Variants in PTPRD observed in about 807,000 individuals in gnomAD.
PTPRD encodes protein tyrosine phosphatase receptor type D, also known as receptor-type tyrosine-protein phosphatase delta.
In PTPRD, 34 loss-of-function variants were observed where a neutral mutation model predicts 214.5. The ratio of observed to expected loss-of-function variants is 0.16; its 90% CI spans 0.12 to 0.21. The LOEUF is 0.21. Ranked by LOEUF, PTPRD falls within the 10% of genes least tolerant of loss-of-function variation. The probability of loss-of-function intolerance (pLI) is 1.00; values close to 1 mark genes in which losing one functional copy is unlikely to be tolerated. For missense variants in PTPRD, 2,545 were observed against 2,398.7 expected (o/e 1.06, Z -1.27); for synonymous variants, 1,128 against 845.7 (o/e 1.33, Z -5.79).
intron 5 of PTPRD, among the ~76,000 whole-genome samples, chr9:9,893,262 A>G (rs2073976864): frequency 6.6e-6 from 1 of 152,070 alleles, no homozygotes; most frequent in Admixed American, 6.6e-5. Flanking sequence ...ACAAGATCAA[A>G]TCTACACATA....
intron 8 of PTPRD, among the ~76,000 whole-genome samples, chr9:9,429,358 T>C (rs1175071454): frequency 2.0e-5 from 3 of 152,186 alleles, no homozygotes; most frequent in East Asian, 3.9e-4. Flanking sequence ...CAGGAAAAAG[T>C]TGAATTCCTG....
At chr9:9,574,084 A>G (rs930816329) in intron 8 of PTPRD, among the ~76,000 whole-genome samples, 3 of 151,902 alleles carry the variant, frequency 2.0e-5, no homozygotes, top group Admixed American at 6.6e-5. Context: ...AAGTTGGCTT[A>G]GTGAAAATTA....
chr9:9,162,898 A>T (rs900184553), intron 10 of PTPRD, among the ~76,000 whole-genome samples: 1 of 151,818 alleles, frequency 6.6e-6, no homozygotes, highest in South Asian at 2.1e-4. Context: ...AAATGTAGAC[A>T]CTCTTTAGCT....
intron 35 of PTPRD, among the ~76,000 whole-genome samples, chr9:8,428,345 A>G (rs374284731): frequency 2.6e-5 from 4 of 152,212 alleles, no homozygotes; most frequent in East Asian, 3.9e-4. Context: ...TTAGCCATTC[A>G]TCTTCCTCAA....
At chr9:10,341,852 T>C (rs564504576) in intron 2 of PTPRD, among the ~76,000 whole-genome samples, 3 of 151,164 alleles carry the variant, frequency 2.0e-5, no homozygotes, top group Non-Finnish European at 4.4e-5. Flanking sequence ...CCCTCTCCTT[T>C]TATGTAGTTC....
intron 14 of PTPRD, among the ~76,000 whole-genome samples, chr9:8,601,274 G>A (rs2094843235): frequency 6.6e-6 from 1 of 152,134 alleles, no homozygotes; most frequent in Non-Finnish European, 1.5e-5. Flanking sequence ...CCAGTCCCTG[G>A]CTCCCAGATG....
In PTPRD at chr9:10,531,142, G is replaced by T. The variant is rs550583401; in HGVS notation, c.-600+81256C>A. On this transcript the variant is annotated intron_variant, in intron 2 of 45. Coordinates refer to ENST00000381196, the MANE Select transcript of PTPRD (RefSeq NM_002839.4). The stretch of plus-strand genomic sequence containing the variant: ...TTTTTGTATTTTTAGTAGAGACGGG[G>T]TTTCACCATGTTGGTCAGGCTGGTC... Among the ~76,000 whole-genome samples the T allele has an allele frequency of 5.3e-5, 8 of 152,004 alleles. No homozygotes were observed. The East Asian group carries it at 1.2e-3, about 22-fold the overall frequency.
At chr9:8,713,902 A>T (rs1412166814) in intron 12 of PTPRD, 1 of 831,260 alleles carries the variant, frequency 1.2e-6, no homozygotes, top group African/African-American at 1.7e-5. Context: ...GTGGAAAAAA[A>T]AAAAAATCTT....
chr9:9,396,761 T>G (rs2067995291), intron 9 of PTPRD, among the ~76,000 whole-genome samples: 1 of 152,014 alleles, frequency 6.6e-6, no homozygotes, highest in Admixed American at 6.6e-5. Flanking sequence ...TCTAAACTGG[T>G]AAACTCTCAA....
intron 39 of PTPRD, among the ~76,000 whole-genome samples, chr9:8,360,685 A>G (rs1338181965): frequency 6.6e-6 from 1 of 152,182 alleles, no homozygotes; most frequent in Non-Finnish European, 1.5e-5. Context: ...TTGCTAATTG[A>G]TTAGCCAATT....
intron 10 of PTPRD, among the ~76,000 whole-genome samples, chr9:9,060,812 A>T (rs928898511): frequency 6.6e-5 from 10 of 152,208 alleles, no homozygotes; most frequent in Non-Finnish European, 1.5e-4. Flanking sequence ...CATGTGTCAC[A>T]TGTGTTAGTA....
At chr9:10,610,087 A>C (rs1015798390) in intron 2 of PTPRD, among the ~76,000 whole-genome samples, 1 of 152,142 alleles carries the variant, frequency 6.6e-6, no homozygotes, top group African/African-American at 2.4e-5. Context: ...AAAACACATT[A>C]CTGCTGACAC....
At chr9:10,282,420 C>G (rs1044981019) in intron 3 of PTPRD, among the ~76,000 whole-genome samples, 11 of 152,114 alleles carry the variant, frequency 7.2e-5, no homozygotes, top group Non-Finnish European at 4.4e-5. Context: ...GTCACTTAGA[C>G]AAGATAAGCC....
At chr9:8,481,920 T>C (rs780326578) in intron 30 of PTPRD, among the ~76,000 whole-genome samples, 21 of 152,118 alleles carry the variant, frequency 1.4e-4, no homozygotes, top group Non-Finnish European at 2.5e-4. Flanking sequence ...GTAGCTGGGA[T>C]TACAGGCATG....
At chr9:8,550,819 C>G (rs62534057) in intron 14 of PTPRD, among the ~76,000 whole-genome samples, 1 of 152,264 alleles carries the variant, frequency 6.6e-6, no homozygotes, top group South Asian at 2.1e-4. Context: ...AGTGTTCAAT[C>G]TTTCTTTTGT....
intron 3 of PTPRD, among the ~76,000 whole-genome samples, chr9:10,315,007 A>G (rs1406539941): frequency 6.6e-6 from 1 of 151,984 alleles, no homozygotes; most frequent in East Asian, 1.9e-4. Context: ...GCATCTGGGA[A>G]TGATGTGAGA....
rs111252345 is a variant in PTPRD, at chr9:8,382,501, T to C, written c.4387-5775A>G. On this transcript the variant is annotated intron_variant, in intron 37 of 45. Transcript: ENST00000381196. ...AAGAGGAATGCTTTGAGCCAGAATCTGTCAGCTGCCTTTCTAAGTAGAGCA... is the reference window on the plus strand; with the variant it reads ...AAGAGGAATGCTTTGAGCCAGAATCCGTCAGCTGCCTTTCTAAGTAGAGCA... Among the ~76,000 whole-genome samples the C allele has an allele frequency of 7.5e-3, 1,142 of 152,276 alleles. 10 individuals carry two copies. The highest frequency in any genetic ancestry group is 0.01 in the Non-Finnish European group (692 of 68,016).
chr9:9,791,293 C>T (rs576040234), intron 5 of PTPRD, among the ~76,000 whole-genome samples: 4 of 152,188 alleles, frequency 2.6e-5, no homozygotes, highest in African/African-American at 9.6e-5. Flanking sequence ...TTGTTAACTG[C>T]ACACGTTTGT....
chr9:10,320,927 C>A (rs2096541760), intron 3 of PTPRD, among the ~76,000 whole-genome samples: 1 of 151,802 alleles, frequency 6.6e-6, no homozygotes, highest in Non-Finnish European at 1.5e-5. Context: ...AGGGTTTTTC[C>A]ATGTTGCCGA....
Sources: allele counts gnomAD v4.1 joint callset (sites outside exome capture counted in the v4.1 genomes callset), GRCh38; gene constraint gnomAD v4.1.1; transcripts MANE v1.5; gene names NCBI Gene and HGNC (gene_info 2026-07-23, HGNC 2026-07-21).